STAP1: variants seen among roughly 807,000 people sequenced by gnomAD.
STAP1 encodes signal-transducing adaptor protein 1.
A neutral mutation model predicts 37.8 loss-of-function variants in STAP1; 30 were observed. The ratio of observed to expected loss-of-function variants is 0.79; its 90% CI spans 0.59 to 1.08. STAP1 has a LOEUF of 1.08. Ranked by LOEUF, STAP1 falls within the 50% of genes least tolerant of loss-of-function variation. The pLI is 0.00. For synonymous variants in STAP1, 130 were observed against 116.0 expected (o/e 1.12, Z -0.78); for missense variants, 357 against 349.4 (o/e 1.02, Z -0.17).
At position 67,601,650 on chromosome 4, in the gene STAP1, G is replaced by A. The variant is rs552136527; in HGVS notation, c.827-4646G>A. Among the ~76,000 whole-genome samples the A allele has an allele frequency of 7.4e-4, 113 of 152,218 alleles. No homozygotes were observed. In the South Asian group the frequency reaches 0.01, roughly 14 times the overall value. Reference sequence around the variant, plus strand: ...TATTCTAGGAGGAAAGTATTTTGCCGTCTGCACATTAAATATGTCATGCTC... The same window carrying A: ...TATTCTAGGAGGAAAGTATTTTGCCATCTGCACATTAAATATGTCATGCTC... On this transcript the variant is annotated intron_variant, in intron 8 of 8. Coordinates refer to ENST00000265404, the MANE Select transcript of STAP1 (RefSeq NM_012108.4).
At chr4:67,599,971 A>G (rs548082382) in intron 8 of STAP1, among the ~76,000 whole-genome samples, 2 of 151,924 alleles carry the variant, frequency 1.3e-5, no homozygotes, top group Non-Finnish European at 2.9e-5. Flanking sequence ...TTGTTTCAAT[A>G]ATCTTTTGTA....
intron 6 of STAP1, among the ~76,000 whole-genome samples, chr4:67,588,070 T>A (rs1728029191): frequency 8.0e-6 from 1 of 125,616 alleles, no homozygotes; most frequent in African/African-American, 2.8e-5. Flanking sequence ...AAAAAAGACT[T>A]GCTTCTTCTG....
chr4:67,560,633 T>TGTGTGTGGGG (rs1407908158), intron 1 of STAP1, among the ~76,000 whole-genome samples: 2 of 70,870 alleles, frequency 2.8e-5, no homozygotes, highest in African/African-American at 7.3e-5. Context: ...AAAGTATCTT[T>TGTGTGTGGGG]GTGTGTGTGG....
At chr4:67,566,050 G>C (rs1727461913) in intron 1 of STAP1, among the ~76,000 whole-genome samples, 1 of 144,814 alleles carries the variant, frequency 6.9e-6, no homozygotes, top group South Asian at 2.3e-4. Context: ...CTGGGTTCAA[G>C]AGATTCTCCT....
chr4:67,605,577 G>A (rs962172355), intron 8 of STAP1, among the ~76,000 whole-genome samples: 6 of 152,136 alleles, frequency 3.9e-5, no homozygotes, highest in South Asian at 2.1e-4. Flanking sequence ...AGGGTCCTGT[G>A]AAGAAAGACT....
Position 67,588,152 on chromosome 4 carries a change from T to C in STAP1, c.660-2732T>C, listed in dbSNP as rs534502077. On this transcript the variant is annotated intron_variant, in intron 6 of 8. Transcript: ENST00000265404. ...TCTTGTTTTTTTCATCTCTTTTTAT[T>C]TCTTTGGAAAAGCAGAACAAAACAG... Among the ~76,000 whole-genome samples, 383 of 152,170 alleles carry C rather than the reference T, an allele frequency of 2.5e-3. 2 individuals carry two copies. Among genetic ancestry groups the C allele is most frequent in the African/African-American group, 8.7e-3 (362 of 41,514 alleles).
At position 67,571,280 on chromosome 4, in the gene STAP1, T is replaced by G; in HGVS notation, c.192+125T>G. On this transcript the variant is annotated intron_variant, in intron 2 of 8. Transcript: ENST00000265404. ...GCTCTGGTAAAATTAATTCAAAAAA[T>G]AAAGTTTAAATCTGTGGGGGCCGCC... is the stretch of plus-strand genomic sequence containing the variant. 3 of 666,026 alleles carry G rather than the reference T, an allele frequency of 4.5e-6. No individual in the cohort carries two copies. The South Asian group carries it at 8.2e-5, about 18-fold the overall frequency. The allele number at this position is 666,026 out of a possible 1,614,324, so 41.3% of individuals were successfully genotyped here. A position where few individuals can be genotyped will look rare whatever the true frequency, so the allele number is the denominator to read the frequency against.
At chr4:67,602,073 T>G (rs995449291) in intron 8 of STAP1, among the ~76,000 whole-genome samples, 1 of 152,108 alleles carries the variant, frequency 6.6e-6, no homozygotes, top group African/African-American at 2.4e-5. Flanking sequence ...CATCTTCAAA[T>G]AGCCTGTCTT....
chr4:67,575,215 G>C lies in STAP1; in HGVS notation c.193-170G>C, dbSNP rs75692802. On this transcript the variant is annotated intron_variant, in intron 2 of 8. Coordinates refer to ENST00000265404, the MANE Select transcript of STAP1 (RefSeq NM_012108.4). ...TGCAAACCTGTGTGAGCCAGGTTCAGCACACCACCACATAATACATTTCCA... is the reference window on the plus strand; with the variant it reads ...TGCAAACCTGTGTGAGCCAGGTTCACCACACCACCACATAATACATTTCCA... Among the ~76,000 whole-genome samples, 5,872 of 152,150 alleles carry C rather than the reference G, an allele frequency of 0.039. 365 individuals are homozygous for C. The highest frequency in any genetic ancestry group is 0.32 in the East Asian group (1,633 of 5,182).
At chr4:67,575,523 G>A in intron 3 of STAP1, 25 bp downstream of exon 3, 1 of 1,509,992 alleles carries the variant, frequency 6.6e-7, no homozygotes, top group Non-Finnish European at 9.1e-7. Flanking sequence ...ACAGTAGTCT[G>A]TAAAGGGTTG....
At position 67,575,345 on chromosome 4, in the gene STAP1, C is replaced by T. The variant is rs370969059; in HGVS notation, c.193-40C>T. The T allele has an allele frequency of 8.9e-6, 12 of 1,351,462 alleles. No individual in the cohort carries two copies. The African/African-American group carries it at 1.3e-4, about 15-fold the overall frequency. The allele number at this position is 1,351,462 out of a possible 1,614,324, so 83.7% of individuals were successfully genotyped here. A position where few individuals can be genotyped will look rare whatever the true frequency, so the allele number is the denominator to read the frequency against. ...TCCTGCTAGAACTAATGTGTATTAC[C>T]CATGAAATAATGTAATGTGATCTTC... On this transcript the variant is annotated intron_variant, in intron 2 of 8. Coordinates refer to ENST00000265404, the MANE Select transcript of STAP1 (RefSeq NM_012108.4).
chr4:67,562,201 AGT>A (rs1491227891), intron 1 of STAP1, among the ~76,000 whole-genome samples: 1 of 149,180 alleles, frequency 6.7e-6, no homozygotes, highest in Non-Finnish European at 1.5e-5. Flanking sequence ...AAAAAAAAAC[AGT>A]GTGTGTGGGC....
At chr4:67,574,710 A>G (rs986507132) in intron 2 of STAP1, among the ~76,000 whole-genome samples, 4 of 152,200 alleles carry the variant, frequency 2.6e-5, no homozygotes, top group Non-Finnish European at 5.9e-5. Flanking sequence ...GAATGTCTCT[A>G]TATGTTTAAA....
At chr4:67,573,712 G>A (rs775331976) in intron 2 of STAP1, among the ~76,000 whole-genome samples, 1 of 151,914 alleles carries the variant, frequency 6.6e-6, no homozygotes, top group Non-Finnish European at 1.5e-5. Flanking sequence ...AGGCCAACTC[G>A]AACTTTCTCT....
intron 8 of STAP1, among the ~76,000 whole-genome samples, chr4:67,600,745 C>T (rs1039068448): frequency 1.3e-5 from 2 of 151,964 alleles, no homozygotes; most frequent in African/African-American, 4.8e-5. Flanking sequence ...TATATAATGA[C>T]CTTTCTTTTT....
intron 7 of STAP1, among the ~76,000 whole-genome samples, chr4:67,591,280 TG>T (rs1728113624): frequency 6.6e-6 from 1 of 152,230 alleles, no homozygotes; most frequent in Non-Finnish European, 1.5e-5. Context: ...AATCTGTAAA[TG>T]CCTAATCCTC....
At chr4:67,583,482 C>T in intron 5 of STAP1, 92 bp from the exon 6 acceptor site, 1 of 1,339,118 alleles carries the variant, frequency 7.5e-7, no homozygotes, top group Non-Finnish European at 1.0e-6. Context: ...TTAGCAACTG[C>T]AGCTCTCAAA....
chr4:67,598,051 C>T (rs1199894795), intron 8 of STAP1, among the ~76,000 whole-genome samples: 1 of 152,120 alleles, frequency 6.6e-6, no homozygotes, highest in Non-Finnish European at 1.5e-5. Flanking sequence ...TCACCCAAAG[C>T]TCATCTCAGA....
chr4:67,605,808 T>A (rs932974244), intron 8 of STAP1, among the ~76,000 whole-genome samples: 3 of 152,208 alleles, frequency 2.0e-5, no homozygotes, highest in African/African-American at 7.2e-5. Context: ...ACAGTGAGAC[T>A]GCTAGTACAT....
Sources: gnomAD v4.1 joint callset for allele counts (sites outside exome capture counted in the v4.1 genomes callset) on GRCh38, gnomAD v4.1.1 for gene constraint, MANE v1.5 for transcripts, NCBI Gene and HGNC (gene_info 2026-07-23, HGNC 2026-07-21) for gene names.